MYCBP2: variants seen among roughly 807,000 people sequenced by gnomAD.
The protein encoded by MYCBP2 is MYC binding protein 2, also known as E3 ubiquitin-protein ligase MYCBP2.
Under a neutral mutation model 525.3 loss-of-function variants are expected in MYCBP2, and 120 were observed. That is an observed-to-expected ratio of 0.23 (90% CI 0.20 to 0.27). The LOEUF (loss-of-function observed/expected upper bound fraction) is 0.27. Ranked by LOEUF, MYCBP2 falls within the 10% of genes least tolerant of loss-of-function variation. The probability of loss-of-function intolerance (pLI) is 1.00; values close to 1 mark genes in which losing one functional copy is unlikely to be tolerated. For missense variants in MYCBP2, 4,149 were observed against 5,657.1 expected, an observed-to-expected ratio of 0.73 and a Z score of 8.55; for synonymous variants, 1,894 against 1,955.8, an observed-to-expected ratio of 0.97 and a Z score of 0.83.
At chr13:77,217,755 C>T in intron 21 of MYCBP2, 85 bp downstream of exon 21, 5 of 731,426 alleles carry the variant, frequency 6.8e-6, no homozygotes, top group East Asian at 2.8e-5. Flanking sequence ...ATATTATATT[C>T]TGGAAACAGA....
At chr13:77,063,300 G>C (rs188759987) in intron 73 of MYCBP2, among the ~76,000 whole-genome samples, 3 of 152,330 alleles carry the variant, frequency 2.0e-5, no homozygotes, top group African/African-American at 4.8e-5. Context: ...GCACATGCCT[G>C]TAATCCCAGC....
At chr13:77,200,989 G>A (rs201924004) in intron 26 of MYCBP2, among the ~76,000 whole-genome samples, 105 of 151,158 alleles carry the variant, frequency 6.9e-4, no homozygotes, top group East Asian at 5.8e-3. Flanking sequence ...ATCAATTAAC[G>A]AGCAAAATAA....
At chr13:77,136,191 C>G (rs1025298883) in intron 52 of MYCBP2, among the ~76,000 whole-genome samples, 1 of 152,210 alleles carries the variant, frequency 6.6e-6, no homozygotes, top group Non-Finnish European at 1.5e-5. Context: ...CTTCCACCTG[C>G]CTAACTTCTT....
chr13:77,271,094 T>G (rs1036379772), intron 5 of MYCBP2, among the ~76,000 whole-genome samples: 21 of 152,212 alleles, frequency 1.4e-4, no homozygotes, highest in African/African-American at 5.1e-4. Context: ...TTAATCATAC[T>G]TTTGATATTT....
intron 59 of MYCBP2, among the ~76,000 whole-genome samples, chr13:77,091,846 TG>T (rs1404772407): frequency 6.6e-6 from 1 of 152,112 alleles, no homozygotes; most frequent in Admixed American, 6.6e-5. Context: ...CTCAGCCTCC[TG>T]GATTTTGATC....
intron 1 of MYCBP2, among the ~76,000 whole-genome samples, chr13:77,317,635 C>T (rs1187531492): frequency 6.6e-6 from 1 of 152,126 alleles, no homozygotes; most frequent in Non-Finnish European, 1.5e-5. Flanking sequence ...AATGATTCTC[C>T]TATTCTATAA....
chr13:77,236,145 A>G lies in MYCBP2; in HGVS notation c.2630-2882T>C, dbSNP rs536906306. 1.3e-3 allele frequency among the ~76,000 whole-genome samples: 197 copies of G among 152,336 alleles called. No homozygotes were observed. In the Middle Eastern group the frequency reaches 0.02, roughly 16 times the overall value. The stretch of plus-strand genomic sequence containing the variant: ...TTTTTGCTGTCAGATAGGCAAAGAA[A>G]AGAAGCCTCAGCTAAGGAAACAGTA... On this transcript the variant is annotated intron_variant, in intron 17 of 82. Coordinates refer to ENST00000544440, the MANE Select transcript of MYCBP2 (RefSeq NM_015057.5).
At chr13:77,077,585 T>G in intron 66 of MYCBP2, 198 bp from the exon 67 acceptor site, 1 of 593,032 alleles carries the variant, frequency 1.7e-6, no homozygotes, top group South Asian at 2.5e-5. Flanking sequence ...ATTACACAGA[T>G]GAAGAAACTA....
chr13:77,266,493 C>T (rs1417158388), intron 8 of MYCBP2, among the ~76,000 whole-genome samples: 2 of 151,710 alleles, frequency 1.3e-5, no homozygotes, highest in Non-Finnish European at 2.9e-5. Flanking sequence ...CAAGTATGGA[C>T]ATATACACAA....
At position 77,177,778 on chromosome 13, in the gene MYCBP2, A is replaced by G; in HGVS notation, c.5310T>C (p.His1770=). 2.5e-6 allele frequency: 4 copies of G among 1,613,912 alleles called. No individual in the cohort carries two copies. The highest frequency in any genetic ancestry group is 3.4e-6 in the Non-Finnish European group (4 of 1,179,788). The change falls in exon 35 of 83, where the codon CAT becomes CAC. Residue 1770 remains histidine, a synonymous_variant. Coordinates refer to ENST00000544440, the MANE Select transcript of MYCBP2 (RefSeq NM_015057.5). ...GFSVYGGGGI[H]EYELEVLVDD... ...CAACCAACACCTCTAATTCATATTC[A>G]TGAATTCCACCTCCTCCATAGACAG...
chr13:77,130,641 A>T (rs2052600010), intron 52 of MYCBP2, among the ~76,000 whole-genome samples: 1 of 152,134 alleles, frequency 6.6e-6, no homozygotes, highest in Admixed American at 6.6e-5. Flanking sequence ...ATTGCAGAGC[A>T]TTTTGAAGTG....
chr13:77,226,505 G>C (rs1047799213), intron 18 of MYCBP2, among the ~76,000 whole-genome samples: 4 of 152,058 alleles, frequency 2.6e-5, no homozygotes, highest in African/African-American at 9.7e-5. Context: ...AATCTGGAAG[G>C]AATTTCACAA....
intron 76 of MYCBP2, 63 bp downstream of exon 76, chr13:77,061,106 T>C (rs927721888): frequency 7.3e-6 from 11 of 1,515,640 alleles, no homozygotes; most frequent in African/African-American, 1.4e-5. Context: ...GTTTAATCAG[T>C]TGGCACGGTT....
At chr13:77,101,041 T>C (rs545965824) in intron 55 of MYCBP2, among the ~76,000 whole-genome samples, 35 of 152,190 alleles carry the variant, frequency 2.3e-4, no homozygotes, top group African/African-American at 8.2e-4. Context: ...AAATCAGTAG[T>C]CATGGCCATT....
chr13:77,252,486 G>A (rs187504928), intron 14 of MYCBP2, among the ~76,000 whole-genome samples: 145 of 152,272 alleles, frequency 9.5e-4, no homozygotes, highest in Non-Finnish European at 1.6e-3. Context: ...GGAACACAGT[G>A]TTATAAGACC....
chr13:77,218,347 A>G (rs60862252), intron 20 of MYCBP2, among the ~76,000 whole-genome samples: 168 of 152,316 alleles, frequency 1.1e-3, no homozygotes, highest in African/African-American at 4.0e-3. Context: ...TCAATCCAGG[A>G]ACTAGATGAA....
At chr13:77,309,503 A>C (rs1236759942) in intron 1 of MYCBP2, among the ~76,000 whole-genome samples, 7 of 152,220 alleles carry the variant, frequency 4.6e-5, no homozygotes, top group African/African-American at 1.7e-4. Flanking sequence ...GAGACAACCA[A>C]AGAAGAAAAT....
chr13:77,068,783 G>T lies in MYCBP2; in HGVS notation c.11953C>A (p.Arg3985Ser), dbSNP rs1331100566. Reference protein sequence around the residue: ...QAIRMEATRVREEWEHAISSK... With the variant: ...QAIRMEATRVSEEWEHAISSK... ...GATATAGCATGTTCCCATTCTTCACGGACTCTGGTAGCTTCCATGCGAATA... is the reference window on the plus strand; with the variant it reads ...GATATAGCATGTTCCCATTCTTCACTGACTCTGGTAGCTTCCATGCGAATA... Residue 3985 changes from arginine to serine, a missense_variant, in exon 70 of 83, where the codon CGT becomes AGT. Physicochemically the swap from Arg to Ser is moderately radical, Grantham distance 110. This residue lies in a region of MYCBP2 where 64 missense variants were observed against 131.2 expected (regional missense o/e 0.49). Transcript: ENST00000544440. 1 of 1,613,912 alleles carries T rather than the reference G, an allele frequency of 6.2e-7. No homozygotes were observed.
rs759717191 is a variant in MYCBP2 at position 77,059,487 on chromosome 13, T to C, written c.13140+36A>G. The C allele has an allele frequency of 1.0e-5, 15 of 1,467,670 alleles. 1 individual carries two copies. The highest frequency in any genetic ancestry group is 7.9e-5 in the South Asian group (7 of 88,110). The allele number at this position is 1,467,670 out of a possible 1,614,324, so 90.9% of individuals were successfully genotyped here. On this transcript the variant is annotated intron_variant, in intron 77 of 82. Transcript: ENST00000544440. ...GAAGTAAAGGTGTCACAGGGGAACA[T>C]GGACAATGGGATGGCCTGTGTCACT...
Sources: allele counts gnomAD v4.1 joint callset (sites outside exome capture counted in the v4.1 genomes callset), GRCh38; gene constraint gnomAD v4.1.1; regional missense constraint gnomAD v4.1.1; transcripts MANE v1.5; gene names NCBI Gene and HGNC (gene_info 2026-07-23, HGNC 2026-07-21).